Variants in PCDH11X observed in about 807,000 individuals in gnomAD.
PCDH11X encodes the protein protocadherin-11 X-linked.
Under a neutral mutation model 53.3 loss-of-function variants are expected in PCDH11X, and 18 were observed. That is an observed-to-expected ratio of 0.34 (90% CI 0.23 to 0.50). The LOEUF (loss-of-function observed/expected upper bound fraction) is 0.50. Ranked by LOEUF, PCDH11X falls within the 20% of genes least tolerant of loss-of-function variation. The pLI is 0.98. For synonymous variants in PCDH11X, 279 were observed against 393.3 expected (o/e 0.71, Z 3.44); for missense variants, 570 against 1,032.4 (o/e 0.55, Z 6.14).
intron 6 of PCDH11X, among the ~76,000 whole-genome samples, chrX:91,962,539 G>A (rs955100022): frequency 1.7e-4 from 19 of 112,021 alleles, no homozygotes; most frequent in Non-Finnish European, 2.4e-4. Flanking sequence ...ATGGCAATGA[G>A]TGTCTGTGGG....
intron 6 of PCDH11X, among the ~76,000 whole-genome samples, chrX:92,153,523 G>A (rs1444178298): frequency 8.9e-6 from 1 of 111,773 alleles, no homozygotes; most frequent in Non-Finnish European, 1.9e-5. Flanking sequence ...TTATTGAAAT[G>A]TGAAGTGGTT....
At chrX:91,883,873 G>A (rs1940060501) in intron 6 of PCDH11X, 1 of 748,485 alleles carries the variant, frequency 1.3e-6, no homozygotes, top group Non-Finnish European at 1.6e-6. Context: ...TACTCATGCT[G>A]TTCCACTCCT....
At chrX:92,101,859 G>A (rs1304118818) in intron 6 of PCDH11X, among the ~76,000 whole-genome samples, 20 of 110,772 alleles carry the variant, frequency 1.8e-4, no homozygotes, top group African/African-American at 4.3e-4. Context: ...TGGAACACTG[G>A]GAAGTTATTT....
intron 6 of PCDH11X, among the ~76,000 whole-genome samples, chrX:91,944,813 G>A (rs1413113924): frequency 5.6e-5 from 6 of 107,278 alleles, no homozygotes; most frequent in Non-Finnish European, 1.2e-4. Context: ...TCATTTTGTA[G>A]AACTTATTTT....
intron 6 of PCDH11X, among the ~76,000 whole-genome samples, chrX:91,914,307 A>G (rs1214893246): frequency 9.0e-6 from 1 of 111,511 alleles, no homozygotes; most frequent in Non-Finnish European, 1.9e-5. Flanking sequence ...CCAAATGAGA[A>G]GAAACCAGAA....
chrX:92,017,564 G>A (rs1434479483), intron 6 of PCDH11X, among the ~76,000 whole-genome samples: 1 of 106,557 alleles, frequency 9.4e-6, no homozygotes, highest in African/African-American at 3.4e-5. Context: ...GACTGCCGTA[G>A]CGCATGTTTG....
intron 6 of PCDH11X, among the ~76,000 whole-genome samples, chrX:92,175,788 A>AGTGT (rs2065899756): frequency 1.2e-5 from 1 of 83,359 alleles, no homozygotes; most frequent in Non-Finnish European, 2.4e-5. Context: ...ATATATATAC[A>AGTGT]CACACACACA....
At chrX:92,435,439 C>T (rs1380263163) in intron 9 of PCDH11X, among the ~76,000 whole-genome samples, 1 of 110,040 alleles carries the variant, frequency 9.1e-6, no homozygotes, top group Non-Finnish European at 1.9e-5. Context: ...ATACAGAGAA[C>T]CCCTAAAAAA....
rs186479291 is a variant in PCDH11X, at chrX:91,914,490, G to A, written c.3033+35217G>A. On this transcript the variant is annotated intron_variant, in intron 6 of 10. Coordinates refer to ENST00000682573, the MANE Select transcript of PCDH11X (RefSeq NM_032968.5). ...ACAGAAAGGTGAAAACCAACTTAAA[G>A]CAATTAAAAAACAATATAGGGTATA... is the stretch of plus-strand genomic sequence containing the variant. 6.4e-3 allele frequency among the ~76,000 whole-genome samples: 713 copies of A among 111,044 alleles called. 5 individuals are homozygous for A. The highest frequency in any genetic ancestry group is 0.023 in the African/African-American group (689 of 30,507).
chrX:92,589,410 T>C (rs1924778679), intron 10 of PCDH11X, among the ~76,000 whole-genome samples: 1 of 111,698 alleles, frequency 9.0e-6, no homozygotes, highest in Non-Finnish European at 1.9e-5. Flanking sequence ...CAATAACATA[T>C]AAATATTAAC....
chrX:92,577,277 G>A (rs901143501), intron 10 of PCDH11X, among the ~76,000 whole-genome samples: 1 of 109,403 alleles, frequency 9.1e-6, no homozygotes, highest in African/African-American at 3.3e-5. Context: ...GCTTGGGAGG[G>A]TGCATGTGTC....
intron 10 of PCDH11X, among the ~76,000 whole-genome samples, chrX:92,469,918 A>AT (rs967310563): frequency 1.1e-3 from 117 of 106,306 alleles, no homozygotes; most frequent in African/African-American, 3.7e-3. Context: ...AAGTTTTAGA[A>AT]TTTTTTTTTC....
chrX:92,002,579 C>T (rs984365404), intron 6 of PCDH11X, among the ~76,000 whole-genome samples: 6 of 109,747 alleles, frequency 5.5e-5, no homozygotes, highest in Non-Finnish European at 9.5e-5. Flanking sequence ...TTTATTTCAT[C>T]GATGTTTCAT....
intron 7 of PCDH11X, among the ~76,000 whole-genome samples, chrX:92,246,857 G>A (rs1412068654): frequency 8.9e-6 from 1 of 111,820 alleles, no homozygotes; most frequent in Non-Finnish European, 1.9e-5. Flanking sequence ...AATAGTTGAC[G>A]TATAAGAAGA....
At chrX:92,378,966 T>C (rs1243576638) in intron 8 of PCDH11X, among the ~76,000 whole-genome samples, 4 of 112,892 alleles carry the variant, frequency 3.5e-5, no homozygotes, top group Non-Finnish European at 3.8e-5. Flanking sequence ...AACAGAATAT[T>C]TGAATTTTGA....
At chrX:92,119,771 A>G (rs1158307209) in intron 6 of PCDH11X, among the ~76,000 whole-genome samples, 1 of 112,119 alleles carries the variant, frequency 8.9e-6, no homozygotes, top group African/African-American at 3.2e-5. Context: ...GTGCTCTTAA[A>G]TGCATATTGA....
In PCDH11X at chrX:92,001,674, G is replaced by A. The variant is rs1424739419; in HGVS notation, c.3033+122401G>A. 2.7e-5 allele frequency among the ~76,000 whole-genome samples: 3 copies of A among 109,193 alleles called. No homozygotes were observed. In the South Asian group the frequency reaches 1.2e-3, roughly 44 times the overall value. The allele number at this position is 109,193 out of a possible 115,157, so 94.8% of individuals were successfully genotyped here. ...GTAGAGATGGGGTTTCTCCATGTTG[G>A]TCAGGCTGGTCTCGAACTCCCGACC... On this transcript the variant is annotated intron_variant, in intron 6 of 10. Transcript: ENST00000682573.
At chrX:92,259,257 G>A (rs6652630) in intron 7 of PCDH11X, among the ~76,000 whole-genome samples, 6,757 of 110,723 alleles carry the variant, frequency 0.061, 421 homozygotes, top group African/African-American at 0.19. Context: ...AATTTTCTGC[G>A]TGAGTCCATT....
intron 9 of PCDH11X, among the ~76,000 whole-genome samples, chrX:92,433,367 C>T (rs980574522): frequency 9.1e-6 from 1 of 109,617 alleles, no homozygotes; most frequent in Admixed American, 9.8e-5. Flanking sequence ...AACCTTCTTT[C>T]CTGGTTGCTC....
Sources: allele counts gnomAD v4.1 joint callset (sites outside exome capture counted in the v4.1 genomes callset), GRCh38; gene constraint gnomAD v4.1.1; transcripts MANE v1.5; gene names NCBI Gene and HGNC (gene_info 2026-07-23, HGNC 2026-07-21).